Variants in AP1B1 observed in about 807,000 individuals in gnomAD.
AP1B1 encodes adaptor related protein complex 1 subunit beta 1, also known as AP-1 complex subunit beta-1.
AP1B1 carries 36 observed loss-of-function variants against 104.3 expected under a neutral mutation model. The ratio of observed to expected loss-of-function variants is 0.35; its 90% CI spans 0.26 to 0.46. AP1B1 has a LOEUF of 0.46. AP1B1 is among the 20% of genes least tolerant of loss of function. The pLI, the probability that AP1B1 is intolerant of heterozygous loss-of-function variation, is 1.00. For missense variants in AP1B1, 901 were observed against 1,247.9 expected (o/e 0.72, Z 4.19); for synonymous variants, 504 against 517.5 (o/e 0.97, Z 0.35).
At position 29,328,631 on chromosome 22, in the gene AP1B1, T is replaced by G. The variant is rs374011821; in HGVS notation, c.*190A>C. ...GGTGTCCCAGAGCACGGGAGTGCAC[T>G]GCGCTCTCACCCCAGGAGGGGGTGG... On this transcript the variant is annotated 3_prime_UTR_variant, in exon 23 of 23. Coordinates refer to ENST00000357586, the MANE Select transcript of AP1B1 (RefSeq NM_001127.4). This position sits in a 1 kb window ranked among gnomAD's most constrained non-coding sequence, Gnocchi z 4.1. The G allele has an allele frequency of 3.1e-6, 2 of 654,158 alleles. No homozygotes were observed. Among genetic ancestry groups the G allele is most frequent in the East Asian group, 2.8e-5 (1 of 35,436 alleles). 40.5% of individuals were successfully genotyped at this position (654,158 alleles called of 1,614,324 possible).
At chr22:29,351,495 G>T in intron 8 of AP1B1, 2 of 829,504 alleles carry the variant, frequency 2.4e-6, no homozygotes, top group Non-Finnish European at 3.8e-6. Context: ...CGTTGTAAGG[G>T]ATGACAGGTG....
At chr22:29,369,958 G>A (rs535379311) in intron 1 of AP1B1, among the ~76,000 whole-genome samples, 16 of 149,418 alleles carry the variant, frequency 1.1e-4, no homozygotes, top group South Asian at 2.1e-4. Context: ...TGGGATTTCT[G>A]TCTTACAATA....
chr22:29,351,722 G>C lies in AP1B1; in HGVS notation c.1042C>G (p.Gln348Glu). 3.1e-6 allele frequency: 5 copies of C among 1,614,058 alleles called. No homozygotes were observed. Among genetic ancestry groups the C allele is most frequent in the Non-Finnish European group, 3.4e-6 (4 of 1,180,030 alleles). ...KLDIMIRLASQANIAQVLAEL... is the reference protein window; with the variant it reads ...KLDIMIRLASEANIAQVLAEL... Reference sequence around the variant, plus strand: ...CAGCTGACCTGGGCGATGTTGGCCTGAGAGGCCAGGCGGATCATGATGTCC... The same window carrying C: ...CAGCTGACCTGGGCGATGTTGGCCTCAGAGGCCAGGCGGATCATGATGTCC... Residue 348 changes from glutamine to glutamate, a missense_variant, in exon 8 of 23, where the codon CAG becomes GAG. Physicochemically the swap from Gln to Glu is conservative, Grantham distance 29 (BLOSUM62 2). Coordinates refer to ENST00000357586, the MANE Select transcript of AP1B1 (RefSeq NM_001127.4).
chr22:29,329,115 G>A, intron 22 of AP1B1: 4 of 1,360,556 alleles, frequency 2.9e-6, no homozygotes, highest in South Asian at 3.1e-5. Context: ...CACACCTGCT[G>A]TCAGCCCAGT....
At position 29,354,554 on chromosome 22, in the gene AP1B1, C is replaced by T. The variant is rs986446467; in HGVS notation, c.938+96G>A. ...GGGTTAAGCTATTTGAGACTTCCTG[C>T]ATGGTGACAGGTCAGTTTCCTTTGA... On this transcript the variant is annotated intron_variant, in intron 7 of 22. Coordinates refer to ENST00000357586, the MANE Select transcript of AP1B1 (RefSeq NM_001127.4). 7.5e-6 allele frequency: 9 copies of T among 1,193,806 alleles called. No individual in the cohort carries two copies. The Admixed American group carries it at 9.6e-5, about 13-fold the overall frequency. The allele number at this position is 1,193,806 out of a possible 1,614,324, so 74.0% of individuals were successfully genotyped here.
intron 17 of AP1B1, chr22:29,332,155 G>A (rs1255448783): frequency 2.5e-5 from 11 of 444,548 alleles, no homozygotes; most frequent in Non-Finnish European, 4.0e-5. Context: ...CAGCCTGGCT[G>A]CAGGCCTGAA....
Position 29,359,668 on chromosome 22 carries a change from C to A in AP1B1, c.279+156G>T. ...CATCTGATTTTCTGGAGAGTGGGAG[C>A]CCTCTGCTGGAGGAAGAGGCCTGCA... On this transcript the variant is annotated intron_variant, in intron 4 of 22. Transcript: ENST00000357586. 3.4e-6 allele frequency: 3 copies of A among 870,890 alleles called. No individual in the cohort carries two copies. The South Asian group carries it at 6.0e-5, about 18-fold the overall frequency. 53.9% of individuals were successfully genotyped at this position (870,890 alleles called of 1,614,324 possible). A position where few individuals can be genotyped will look rare whatever the true frequency, so the allele number is the denominator to read the frequency against.
chr22:29,367,450 G>C (rs924726136), intron 1 of AP1B1, among the ~76,000 whole-genome samples, 180 bp from the exon 2 acceptor site: 1 of 149,582 alleles, frequency 6.7e-6, no homozygotes, highest in African/African-American at 2.5e-5. Flanking sequence ...TAATTCTGAG[G>C]AATCTATCAA....
Position 29,334,316 on chromosome 22 carries a change from T to C in AP1B1, c.2258A>G (p.Asn753Ser). 2 of 1,611,116 alleles carry C rather than the reference T, an allele frequency of 1.2e-6. No homozygotes were observed. Among genetic ancestry groups the C allele is most frequent in the South Asian group, 1.1e-5 (1 of 90,694 alleles). ...GSISMDLQLT[N>S]KALQVMTDFA... ...GTCGGTCATGACCTGCAAGGCCTTGTTGGTCAGCTGCAGGTCCATGGAGAT... is the reference window on the plus strand; with the variant it reads ...GTCGGTCATGACCTGCAAGGCCTTGCTGGTCAGCTGCAGGTCCATGGAGAT... Residue 753 changes from asparagine (N) to serine (S), a missense_variant, in exon 17 of 23, where the codon AAC becomes AGC. This residue lies in a region of AP1B1 where 424 missense variants were observed against 494.0 expected (regional missense o/e 0.86). Coordinates refer to ENST00000357586, the MANE Select transcript of AP1B1 (RefSeq NM_001127.4).
chr22:29,368,941 C>CA (rs148054188), intron 1 of AP1B1, among the ~76,000 whole-genome samples: 1,658 of 141,174 alleles, frequency 0.012, 38 homozygotes, highest in African/African-American at 0.038. Context: ...CCCACCCCCG[C>CA]AAAAAAAAAA....
chr22:29,339,349 G>A (rs2061681113), intron 15 of AP1B1, among the ~76,000 whole-genome samples: 1 of 152,162 alleles, frequency 6.6e-6, no homozygotes, highest in Non-Finnish European at 1.5e-5. Context: ...AGCCTTAGGA[G>A]TAACCTCTGG....
intron 9 of AP1B1, among the ~76,000 whole-genome samples, chr22:29,350,661 C>T (rs1369547498): frequency 6.6e-6 from 1 of 152,184 alleles, no homozygotes; most frequent in Admixed American, 6.5e-5. Flanking sequence ...TCCTAGGACA[C>T]TGTAGCCACC....
At chr22:29,356,376 A>G in intron 6 of AP1B1, 50 bp downstream of exon 6, 1 of 1,557,916 alleles carries the variant, frequency 6.4e-7, no homozygotes. Context: ...GGAGCCCCTG[A>G]GGACCAGGGT....
In AP1B1 at chr22:29,362,993, C is replaced by T. The variant is rs373214139; in HGVS notation, c.143+8G>A. 1 of 1,611,848 alleles carries T rather than the reference C, an allele frequency of 6.2e-7. No individual in the cohort carries two copies. Among genetic ancestry groups the T allele is most frequent in the East Asian group, 2.2e-5 (1 of 44,864 alleles). On this transcript the variant is annotated splice_region_variant and intron_variant, in intron 3 of 22. Coordinates refer to ENST00000357586, the MANE Select transcript of AP1B1 (RefSeq NM_001127.4). ...CTTCTAGCTGCCACCAGGCCTACTC[C>T]TGCACACCTGACATCTTTGCCCACG...
At chr22:29,358,655 G>C in intron 5 of AP1B1, 71 bp downstream of exon 5, 1 of 1,554,398 alleles carries the variant, frequency 6.4e-7, no homozygotes, top group African/African-American at 1.3e-5. Flanking sequence ...GCCTGGTGAA[G>C]AGTCAAGCCA....
At position 29,329,738 on chromosome 22, in the gene AP1B1, G is replaced by C. The variant is rs933131036; in HGVS notation, c.2767-18C>G. The C allele has an allele frequency of 6.2e-7, 1 of 1,613,606 alleles. No homozygotes were observed. Among genetic ancestry groups the C allele is most frequent in the Middle Eastern group, 1.7e-4 (1 of 6,054 alleles). Reference sequence around the variant, plus strand: ...TCTAAGTCCTGCACCACGGGAACCAGCAGGGAAGGTGACATGCAGCAACCA... The same window carrying C: ...TCTAAGTCCTGCACCACGGGAACCACCAGGGAAGGTGACATGCAGCAACCA... On this transcript the variant is annotated intron_variant, in intron 21 of 22. Transcript: ENST00000357586.
intron 7 of AP1B1, 141 bp from the exon 8 acceptor site, chr22:29,351,966 C>T: frequency 8.5e-7 from 1 of 1,176,254 alleles, no homozygotes; most frequent in Non-Finnish European, 1.2e-6. Flanking sequence ...GCCATGGCTG[C>T]AAGCTCCTGG....
chr22:29,360,277 C>T (rs1358599431), intron 3 of AP1B1, among the ~76,000 whole-genome samples: 1 of 152,188 alleles, frequency 6.6e-6, no homozygotes. Flanking sequence ...TCCTTTGTCA[C>T]CTGCCCCCTC....
In AP1B1 at chr22:29,356,581, A is replaced by C. The variant is rs2061961908; in HGVS notation, c.561T>G (p.Ile187Met). The change falls in exon 6 of 23, where the codon ATT (isoleucine) becomes ATG (methionine). Residue 187 changes from isoleucine to methionine, a missense_variant. This residue lies in a region of AP1B1 where 471 missense variants were observed against 696.7 expected (regional missense o/e 0.68). Coordinates refer to ENST00000357586, the MANE Select transcript of AP1B1 (RefSeq NM_001127.4). ...VANAVAALSE[I>M]AESHPSSNLL... The stretch of plus-strand genomic sequence containing the variant: ...GGTTGCTGCTGGGGTGAGACTCGGC[A>C]ATTTCTGAGAGCGCTGCCACTGCAT... 4 of 1,613,966 alleles carry C rather than the reference A, an allele frequency of 2.5e-6. No homozygotes were observed. The highest frequency in any genetic ancestry group is 3.4e-6 in the Non-Finnish European group (4 of 1,180,024).
Sources: gnomAD v4.1 joint callset for allele counts (sites outside exome capture counted in the v4.1 genomes callset) on GRCh38, gnomAD v4.1.1 for gene constraint, gnomAD v4.1.1 regional missense constraint, Gnocchi (gnomAD v3.1) non-coding constraint, MANE v1.5 for transcripts, NCBI Gene and HGNC (gene_info 2026-07-23, HGNC 2026-07-21) for gene names.